Variants in CDYL observed in about 807,000 individuals in gnomAD.
CDYL encodes the protein chromodomain Y-like protein.
A neutral mutation model predicts 47.3 loss-of-function variants in CDYL; 8 were observed. The observed-to-expected ratio is 0.17, with a 90% confidence interval of 0.10 to 0.31. CDYL has a LOEUF of 0.31. Among genes scored for constraint, CDYL ranks in the 10% least tolerant of loss-of-function variants. The pLI, the probability that CDYL is intolerant of heterozygous loss-of-function variation, is 1.00. For missense variants in CDYL, 471 were observed against 701.4 expected (o/e 0.67, Z 3.71); for synonymous variants, 266 against 265.0 (o/e 1.00, Z -0.04).
At chr6:4,742,310 A>G (rs1757811325) in intron 3 of CDYL, among the ~76,000 whole-genome samples, 1 of 151,346 alleles carries the variant, frequency 6.6e-6, no homozygotes, top group African/African-American at 2.4e-5. Flanking sequence ...CAGAGGTTGC[A>G]GTGAGCCAAG....
intron 2 of CDYL, among the ~76,000 whole-genome samples, chr6:4,724,077 C>G (rs777052951): frequency 5.9e-5 from 9 of 152,212 alleles, no homozygotes; most frequent in Non-Finnish European, 1.3e-4. Context: ...CTTGCTCTGA[C>G]ACCCAGGCTC....
chr6:4,818,801 G>A (rs1759744011), intron 1 of CDYL, among the ~76,000 whole-genome samples: 1 of 152,228 alleles, frequency 6.6e-6, no homozygotes, highest in Non-Finnish European at 1.5e-5. Flanking sequence ...AACTGTGGAT[G>A]TAAAAATCAT....
intron 1 of CDYL, among the ~76,000 whole-genome samples, chr6:4,847,536 G>A (rs1340612690): frequency 6.6e-6 from 1 of 152,226 alleles, no homozygotes; most frequent in Non-Finnish European, 1.5e-5. Flanking sequence ...TTACTGTTGA[G>A]TGATGGTATA....
At chr6:4,835,919 A>C (rs1421264104) in intron 1 of CDYL, among the ~76,000 whole-genome samples, 3 of 152,192 alleles carry the variant, frequency 2.0e-5, no homozygotes, top group Non-Finnish European at 2.9e-5. Flanking sequence ...GCCATTTTTT[A>C]AGCCCGTCAG....
chr6:4,917,586 G>A (rs1255822441), intron 2 of CDYL, among the ~76,000 whole-genome samples: 10 of 152,278 alleles, frequency 6.6e-5, no homozygotes, highest in South Asian at 2.1e-4. Flanking sequence ...TCTAATCTCC[G>A]ATTTACAGAT....
chr6:4,850,647 A>G (rs1760795430), intron 1 of CDYL, among the ~76,000 whole-genome samples: 1 of 152,218 alleles, frequency 6.6e-6, no homozygotes, highest in Non-Finnish European at 1.5e-5. Context: ...AACAGTGTGG[A>G]TCAAGAAGTA....
At chr6:4,932,704 T>G (rs1758066566) in intron 2 of CDYL, among the ~76,000 whole-genome samples, 1 of 152,162 alleles carries the variant, frequency 6.6e-6, no homozygotes, top group African/African-American at 2.4e-5. Flanking sequence ...TCCACGTCTG[T>G]CTCCTGTCCC....
chr6:4,743,729 A>G (rs1370232780), intron 3 of CDYL, among the ~76,000 whole-genome samples: 1 of 152,216 alleles, frequency 6.6e-6, no homozygotes, highest in Non-Finnish European at 1.5e-5. Context: ...GTTGAATTTT[A>G]TATTGATTAG....
At chr6:4,769,583 G>C (rs1758306018) in intron 3 of CDYL, among the ~76,000 whole-genome samples, 1 of 152,138 alleles carries the variant, frequency 6.6e-6, no homozygotes, top group Non-Finnish European at 1.5e-5. Flanking sequence ...TCTCTCGCAT[G>C]ATGGCTACTT....
chr6:4,763,105 A>G (rs1443462140), intron 3 of CDYL, among the ~76,000 whole-genome samples: 1 of 152,210 alleles, frequency 6.6e-6, no homozygotes, highest in Non-Finnish European at 1.5e-5. Flanking sequence ...AACAATTGAA[A>G]GTAGGAGACT....
At chr6:4,732,359 A>G (rs1757619961) in intron 2 of CDYL, among the ~76,000 whole-genome samples, 1 of 151,748 alleles carries the variant, frequency 6.6e-6, no homozygotes, top group African/African-American at 2.4e-5. Context: ...AATTTAATTT[A>G]ATGGGAAGAA....
chr6:4,727,411 A>G (rs1380259020), intron 2 of CDYL, among the ~76,000 whole-genome samples: 1 of 152,174 alleles, frequency 6.6e-6, no homozygotes, highest in Non-Finnish European at 1.5e-5. Flanking sequence ...GTGGATTTGC[A>G]ACACAGCCTT....
intron 2 of CDYL, among the ~76,000 whole-genome samples, chr6:4,717,089 G>C (rs1757278855): frequency 6.6e-6 from 1 of 152,128 alleles, no homozygotes; most frequent in Non-Finnish European, 1.5e-5. Flanking sequence ...ACCACAATCA[G>C]GAAGAAAAGG....
chr6:4,712,482 G>A (rs1757169169), intron 1 of CDYL, among the ~76,000 whole-genome samples: 1 of 152,208 alleles, frequency 6.6e-6, no homozygotes, highest in Non-Finnish European at 1.5e-5. Context: ...ACCGGCAGCA[G>A]TTAAGGCTTT....
chr6:4,723,193 C>T (rs1757404359), intron 2 of CDYL, among the ~76,000 whole-genome samples: 1 of 152,102 alleles, frequency 6.6e-6, no homozygotes, highest in Non-Finnish European at 1.5e-5. Context: ...ATTTACATAG[C>T]ATTTACATGG....
chr6:4,894,834 C>CGTGT (rs71540834), intron 2 of CDYL, among the ~76,000 whole-genome samples: 17,934 of 145,318 alleles, frequency 0.12, 1,230 homozygotes, highest in East Asian at 0.28. Context: ...CCACAAAAGT[C>CGTGT]GTGTGTGTGT....
chr6:4,864,215 G>A (rs1433190002), intron 1 of CDYL, among the ~76,000 whole-genome samples: 4 of 152,110 alleles, frequency 2.6e-5, no homozygotes, highest in Non-Finnish European at 5.9e-5. Flanking sequence ...TTTTACCACT[G>A]GTGGACTCTT....
chr6:4,925,564 C>T (rs901868587), intron 2 of CDYL, among the ~76,000 whole-genome samples: 5 of 151,872 alleles, frequency 3.3e-5, no homozygotes, highest in South Asian at 2.1e-4. Flanking sequence ...TACAGGCACC[C>T]GCCACCACAC....
At position 4,937,684 on chromosome 6, in the gene CDYL, A is replaced by G; in HGVS notation, c.1068A>G (p.Arg356=). The stretch of plus-strand genomic sequence containing the variant: ...GACTTGACTTTATTTATTTTATACG[A>G]CGTCTGACAGATGACAGGAAAAGAG... ...CCGLDFIYFI[R]RLTDDRKRES... is the part of the protein sequence containing the mutation. Residue 356 remains arginine, a synonymous_variant, in exon 4 of 7, where the codon CGA becomes CGG. Coordinates refer to ENST00000397588, the MANE Select transcript of CDYL (RefSeq NM_004824.4). 1.2e-6 allele frequency: 2 copies of G among 1,613,848 alleles called. No homozygotes were observed. The highest frequency in any genetic ancestry group is 1.3e-5 in the African/African-American group (1 of 74,998).
Sources: allele counts gnomAD v4.1 joint callset (sites outside exome capture counted in the v4.1 genomes callset), GRCh38; gene constraint gnomAD v4.1.1; transcripts MANE v1.5; gene names NCBI Gene and HGNC (gene_info 2026-07-23, HGNC 2026-07-21).